GMPS: variants seen among roughly 807,000 people sequenced by gnomAD.
GMPS encodes guanosine monophosphate synthase, also known as GMP synthase [glutamine-hydrolyzing].
GMPS carries 15 observed loss-of-function variants against 77.9 expected under a neutral mutation model. The observed-to-expected ratio is 0.19, with a 90% CI of 0.13 to 0.30. GMPS has a LOEUF of 0.30. GMPS is among the 10% of genes least tolerant of loss of function. The probability of loss-of-function intolerance (pLI) is 1.00; values close to 1 mark genes in which losing one functional copy is unlikely to be tolerated. For synonymous variants in GMPS, 224 were observed against 275.9 expected (o/e 0.81, Z 1.86); for missense variants, 590 against 838.8 (o/e 0.70, Z 3.66).
chr3:155,902,823 A>G (rs1754763894), intron 3 of GMPS, among the ~76,000 whole-genome samples: 1 of 152,232 alleles, frequency 6.6e-6, no homozygotes. Flanking sequence ...CTTAAATTGC[A>G]TATTAGTTAA....
chr3:155,940,738 G>GTTT lies in GMPS; in HGVS notation c.*3047_*3048insTTT. On this transcript the variant is annotated 3_prime_UTR_variant, in exon 16 of 16. Transcript: ENST00000496455. ...GGAGACAGAATGGAGAAGCTGGATA[G>GTTT]TGTTTTTTTTTTTTTTTTTTAAGGT... The GTTT allele has an allele frequency of 1.4e-5, 2 of 139,420 alleles. No homozygotes were observed. Among genetic ancestry groups the GTTT allele is most frequent in the East Asian group, 9.5e-5 (1 of 10,472 alleles). 8.6% of individuals were successfully genotyped at this position (139,420 alleles called of 1,614,324 possible).
At chr3:155,887,896 A>G (rs1029863083) in intron 1 of GMPS, among the ~76,000 whole-genome samples, 10 of 152,178 alleles carry the variant, frequency 6.6e-5, no homozygotes, top group African/African-American at 2.4e-4. Flanking sequence ...CAAACTTTCA[A>G]CTTTTCTTTA....
chr3:155,882,739 A>G (rs1298581731), intron 1 of GMPS, among the ~76,000 whole-genome samples: 1 of 152,252 alleles, frequency 6.6e-6, no homozygotes, highest in African/African-American at 2.4e-5. Context: ...GGATGCTTAT[A>G]TAAAACTTAT....
chr3:155,908,739 C>G (rs1249726489), intron 5 of GMPS, among the ~76,000 whole-genome samples: 2 of 152,162 alleles, frequency 1.3e-5, no homozygotes, highest in African/African-American at 4.8e-5. Flanking sequence ...ATTGGAAAGA[C>G]CTCAGGAGTT....
rs562627606 is a variant in GMPS at position 155,872,550 on chromosome 3, A to C, written c.27+1653A>C. On this transcript the variant is annotated intron_variant, in intron 1 of 15. Transcript: ENST00000496455. ...CTTTGAAAAATATATAGTGCATTTG[A>C]GAGGAGTATTTTCACAAAACTAAGT... 2.2e-4 allele frequency among the ~76,000 whole-genome samples: 34 copies of C among 152,318 alleles called. 1 individual carries two copies. Among genetic ancestry groups the C allele is most frequent in the African/African-American group, 8.2e-4 (34 of 41,566 alleles).
At chr3:155,916,813 A>G (rs751366282) in intron 9 of GMPS, among the ~76,000 whole-genome samples, 7 of 152,138 alleles carry the variant, frequency 4.6e-5, no homozygotes, top group Non-Finnish European at 1.0e-4. Context: ...AAGGTTTAAC[A>G]TTTTGATGAA....
At position 155,940,581 on chromosome 3, in the gene GMPS, G is replaced by A. The variant is rs1161633632; in HGVS notation, c.*2889G>A. 4.6e-6 allele frequency: 1 copy of A among 217,314 alleles called. No homozygotes were observed. Among genetic ancestry groups the A allele is most frequent in the Non-Finnish European group, 9.2e-6 (1 of 108,232 alleles). The allele number at this position is 217,314 out of a possible 1,614,324, so 13.5% of individuals were successfully genotyped here. On this transcript the variant is annotated 3_prime_UTR_variant, in exon 16 of 16. Coordinates refer to ENST00000496455, the MANE Select transcript of GMPS (RefSeq NM_003875.3). ...ACTATCCATCTTTAGTGCTTTTCCT[G>A]CCGTTAAACAACAATGTGAACTTGG...
At chr3:155,896,607 C>A (rs1412237158) in intron 2 of GMPS, among the ~76,000 whole-genome samples, 1 of 150,860 alleles carries the variant, frequency 6.6e-6, no homozygotes, top group African/African-American at 2.4e-5. Context: ...TTTTTGTAGA[C>A]ATGGGGTTTT....
chr3:155,934,619 G>C lies in GMPS; in HGVS notation c.1677-297G>C, dbSNP rs375567400. The stretch of plus-strand genomic sequence containing the variant: ...GCATGAAGTTTTGGGGATACTCTTC[G>C]ACCCAGTACATTAAGTGAAAAGAGA... On this transcript the variant is annotated intron_variant, in intron 13 of 15. Transcript: ENST00000496455. 5.3e-5 allele frequency among the ~76,000 whole-genome samples: 8 copies of C among 152,210 alleles called. No homozygotes were observed. The East Asian group carries it at 1.5e-3, about 29-fold the overall frequency.
chr3:155,931,278 C>G (rs1375461412), intron 12 of GMPS, among the ~76,000 whole-genome samples: 1 of 151,840 alleles, frequency 6.6e-6, no homozygotes, highest in Non-Finnish European at 1.5e-5. Context: ...CTCCACCTCC[C>G]AGGATCAAGC....
Position 155,914,585 on chromosome 3 carries a change from A to T in GMPS, c.1038+15A>T. 6.6e-7 allele frequency: 1 copy of T among 1,521,618 alleles called. No individual in the cohort carries two copies. Among genetic ancestry groups the T allele is most frequent in the Non-Finnish European group, 8.9e-7 (1 of 1,121,604 alleles). The allele number at this position is 1,521,618 out of a possible 1,614,324, so 94.3% of individuals were successfully genotyped here. On this transcript the variant is annotated intron_variant, in intron 8 of 15. Transcript: ENST00000496455. ...CTTTTGTTAAGGTACCTTTGTTTTT[A>T]ATATCCTCAACATGTACTATTTTTG...
chr3:155,908,392 A>C (rs1217860697), intron 5 of GMPS, among the ~76,000 whole-genome samples: 1 of 152,172 alleles, frequency 6.6e-6, no homozygotes, highest in Admixed American at 6.5e-5. Context: ...CTTTGCTGAG[A>C]GTTTTTTTCC....
chr3:155,934,779 T>C, intron 13 of GMPS, 137 bp from the exon 14 acceptor site: 2 of 622,030 alleles, frequency 3.2e-6, no homozygotes, highest in South Asian at 2.0e-5. Flanking sequence ...GGAGTTGAAG[T>C]GGGCAGGAGA....
intron 1 of GMPS, among the ~76,000 whole-genome samples, chr3:155,873,727 T>C (rs1394477447): frequency 7.2e-6 from 1 of 138,938 alleles, no homozygotes; most frequent in Non-Finnish European, 1.5e-5. Context: ...CTCTGCCTCC[T>C]AGGTTCACGC....
At position 155,939,512 on chromosome 3, in the gene GMPS, A is replaced by T. The variant is rs535360344; in HGVS notation, c.*1820A>T. Reference sequence around the variant, plus strand: ...AGGTGGTCATATAAGTTTGGGGAACATAAGCTCACTTGTCCTTTCCTGGAG... The same window carrying T: ...AGGTGGTCATATAAGTTTGGGGAACTTAAGCTCACTTGTCCTTTCCTGGAG... On this transcript the variant is annotated 3_prime_UTR_variant, in exon 16 of 16. Coordinates refer to ENST00000496455, the MANE Select transcript of GMPS (RefSeq NM_003875.3). 1 of 205,798 alleles carries T rather than the reference A, an allele frequency of 4.9e-6. No individual in the cohort carries two copies. The highest frequency in any genetic ancestry group is 1.9e-4 in the South Asian group (1 of 5,294). 12.7% of individuals were successfully genotyped at this position (205,798 alleles called of 1,614,324 possible).
rs537746641 is a variant in GMPS at position 155,940,927 on chromosome 3, ATC to A, written c.*3241_*3242del. 5.7e-4 allele frequency: 121 copies of A among 212,004 alleles called. No individual in the cohort carries two copies. The highest frequency in any genetic ancestry group is 2.6e-3 in the African/African-American group (116 of 44,264). The allele number at this position is 212,004 out of a possible 1,614,324, so 13.1% of individuals were successfully genotyped here. A position where few individuals can be genotyped will look rare whatever the true frequency, so the allele number is the denominator to read the frequency against. On this transcript the variant is annotated 3_prime_UTR_variant, in exon 16 of 16. Coordinates refer to ENST00000496455, the MANE Select transcript of GMPS (RefSeq NM_003875.3). ...ACCCATCAAAGTTTTCCTGGTAGGA[ATC>A]TCTCTTTACTGCGTGTTTTTTTGAA...
chr3:155,910,864 A>G lies in GMPS; in HGVS notation c.699A>G (p.Arg233=). 6.3e-7 allele frequency: 1 copy of G among 1,583,612 alleles called. No homozygotes were observed. The highest frequency in any genetic ancestry group is 8.5e-7 in the Non-Finnish European group (1 of 1,170,076). Residue 233 remains arginine (R), a synonymous_variant, in exon 6 of 16, where the codon AGA becomes AGG. Coordinates refer to ENST00000496455, the MANE Select transcript of GMPS (RefSeq NM_003875.3). ...ELECIREIKE[R]VGTSKVLVLL... is the part of the protein sequence containing the mutation. Reference sequence around the variant, plus strand: ...AGTGTATTCGAGAGATCAAAGAGAGAGTAGGCACGTCAAAAGTTTTGGTAA... The same window carrying G: ...AGTGTATTCGAGAGATCAAAGAGAGGGTAGGCACGTCAAAAGTTTTGGTAA...
At chr3:155,924,628 G>GTA (rs1299689567) in intron 11 of GMPS, among the ~76,000 whole-genome samples, 2 of 152,150 alleles carry the variant, frequency 1.3e-5, no homozygotes, top group Non-Finnish European at 1.5e-5. Context: ...CAAGAAAGGA[G>GTA]TAAGAGTAAA....
At chr3:155,915,746 G>C (rs1755162099) in intron 8 of GMPS, among the ~76,000 whole-genome samples, 1 of 150,700 alleles carries the variant, frequency 6.6e-6, no homozygotes, top group Non-Finnish European at 1.5e-5. Context: ...ATGTTGGCCA[G>C]GCTGGTCTCG....
Sources: gnomAD v4.1 joint callset for allele counts (sites outside exome capture counted in the v4.1 genomes callset) on GRCh38, gnomAD v4.1.1 for gene constraint, MANE v1.5 for transcripts, NCBI Gene and HGNC (gene_info 2026-07-23, HGNC 2026-07-21) for gene names.